ADAMTSL3: variants seen among roughly 807,000 people sequenced by gnomAD.
ADAMTSL3 encodes ADAMTS-like protein 3.
In ADAMTSL3, 128 loss-of-function variants were observed where a neutral mutation model predicts 201.7. That is an observed-to-expected ratio of 0.63 (90% CI 0.55 to 0.73). The LOEUF (loss-of-function observed/expected upper bound fraction) is 0.73. Among genes scored for constraint, ADAMTSL3 ranks in the 30% least tolerant of loss-of-function variants. The probability of loss-of-function intolerance (pLI) is 0.00; values close to 1 mark genes in which losing one functional copy is unlikely to be tolerated. For missense variants in ADAMTSL3, 1,990 were observed against 2,119.6 expected, an observed-to-expected ratio of 0.94 and a Z score of 1.20; for synonymous variants, 738 against 748.4, an observed-to-expected ratio of 0.99 and a Z score of 0.23.
At chr15:83,955,186 C>G (rs1201025619) in intron 19 of ADAMTSL3, among the ~76,000 whole-genome samples, 1 of 152,206 alleles carries the variant, frequency 6.6e-6, no homozygotes, top group South Asian at 2.1e-4. Flanking sequence ...TAGAAATCTA[C>G]CTGGTATTCT....
chr15:83,806,532 C>T (rs181977734), intron 5 of ADAMTSL3, among the ~76,000 whole-genome samples: 23 of 152,264 alleles, frequency 1.5e-4, no homozygotes, highest in Non-Finnish European at 2.2e-4. Context: ...GAAGCAAAAA[C>T]GAATTCAGCA....
At chr15:83,658,333 T>A (rs1183581798) in intron 2 of ADAMTSL3, among the ~76,000 whole-genome samples, 1 of 152,194 alleles carries the variant, frequency 6.6e-6, no homozygotes, top group East Asian at 1.9e-4. Flanking sequence ...GGTCTCGAAC[T>A]CCTGACCTCA....
At chr15:83,946,256 C>T (rs984508866) in intron 19 of ADAMTSL3, among the ~76,000 whole-genome samples, 4 of 152,188 alleles carry the variant, frequency 2.6e-5, no homozygotes, top group African/African-American at 4.8e-5. Context: ...CCTCCGTGTC[C>T]GCTCTCTCAG....
In ADAMTSL3 at chr15:83,872,848, T is replaced by G. The variant is rs2065108014; in HGVS notation, c.960+1889T>G. On this transcript the variant is annotated intron_variant, in intron 9 of 29. Transcript: ENST00000286744. ...ACCATTTATAAAAACACACATAAGC[T>G]GCATATTTCTATGAGTTTGTATGTA... 2.1e-5 allele frequency among the ~76,000 whole-genome samples: 3 copies of G among 145,316 alleles called. 1 individual carries two copies. Among genetic ancestry groups the G allele is most frequent in the Admixed American group, 2.0e-4 (3 of 14,790 alleles).
intron 15 of ADAMTSL3, among the ~76,000 whole-genome samples, chr15:83,903,917 C>CAAAAAAAAAAAAAAAAAAAAAAAAAA (rs1168502648): frequency 5.2e-5 from 1 of 19,274 alleles, no homozygotes; most frequent in Non-Finnish European, 7.3e-5. Context: ...GACTCCACAT[C>CAAAAAAAAAAAAAAAAAAAAAAAAAA]AAAAAAAAAA....
Position 83,969,234 on chromosome 15 carries a change from A to G in ADAMTSL3, c.2491-1250A>G, listed in dbSNP as rs575233847. Among the ~76,000 whole-genome samples the G allele has an allele frequency of 2.6e-5, 4 of 152,312 alleles. No homozygotes were observed. The South Asian group carries it at 8.3e-4, about 32-fold the overall frequency. On this transcript the variant is annotated intron_variant, in intron 19 of 29. Coordinates refer to ENST00000286744, the MANE Select transcript of ADAMTSL3 (RefSeq NM_207517.3). The stretch of plus-strand genomic sequence containing the variant: ...GCCGAGGCAGGTGGATCACGAGGTC[A>G]GGAGTTTGAGACCAGCCTGGCCAAG...
intron 4 of ADAMTSL3, among the ~76,000 whole-genome samples, chr15:83,775,640 A>T (rs538643289): frequency 7.2e-5 from 11 of 152,186 alleles, no homozygotes; most frequent in South Asian, 6.2e-4. Flanking sequence ...GAGGCAGGAG[A>T]GTTCTTGGCT....
chr15:83,762,606 C>A (rs536652219), intron 3 of ADAMTSL3, among the ~76,000 whole-genome samples: 1 of 152,110 alleles, frequency 6.6e-6, no homozygotes, highest in East Asian at 1.9e-4. Flanking sequence ...AGAGAGGGAA[C>A]TAACTCTCTC....
intron 3 of ADAMTSL3, among the ~76,000 whole-genome samples, chr15:83,759,759 G>A (rs2062779330): frequency 6.6e-6 from 1 of 152,108 alleles, no homozygotes; most frequent in Non-Finnish European, 1.5e-5. Context: ...AAATTACTCA[G>A]AAGAGTTTGT....
At chr15:83,675,208 C>A (rs1418342599) in intron 2 of ADAMTSL3, among the ~76,000 whole-genome samples, 1 of 152,002 alleles carries the variant, frequency 6.6e-6, no homozygotes, top group Non-Finnish European at 1.5e-5. Context: ...ACAACCAATA[C>A]TATGTGCTGC....
intron 2 of ADAMTSL3, among the ~76,000 whole-genome samples, chr15:83,691,957 T>G (rs1361982411): frequency 6.6e-6 from 1 of 152,176 alleles, no homozygotes; most frequent in Non-Finnish European, 1.5e-5. Flanking sequence ...AATGGTATGA[T>G]GATGTTTTAA....
chr15:83,671,375 T>C (rs2141390384), intron 2 of ADAMTSL3, among the ~76,000 whole-genome samples: 1 of 152,350 alleles, frequency 6.6e-6, no homozygotes, highest in East Asian at 1.9e-4. Context: ...CCAGATTCTT[T>C]AATCCAATTT....
chr15:84,037,787 A>C lies in ADAMTSL3; in HGVS notation c.5057A>C (p.Gln1686Pro). 9 of 1,613,918 alleles carry C rather than the reference A, an allele frequency of 5.6e-6. No individual in the cohort carries two copies. The highest frequency in any genetic ancestry group is 6.8e-6 in the Non-Finnish European group (8 of 1,179,966). ...SLDRYKQRCCQSCQEG is the reference protein window; with the variant it reads ...SLDRYKQRCCPSCQEG ...GACCGCTACAAACAAAGGTGCTGCC[A>C]GTCATGTCAAGAGGGATAAACCTTT... Residue 1686 changes from glutamine (Q) to proline (P), a missense_variant, in exon 30 of 30, where the codon CAG becomes CCG. Physicochemically the swap from Gln to Pro is moderately conservative, Grantham distance 76. Transcript: ENST00000286744.
chr15:83,870,570 C>T (rs1054979952), intron 8 of ADAMTSL3, among the ~76,000 whole-genome samples: 1 of 152,086 alleles, frequency 6.6e-6, no homozygotes, highest in African/African-American at 2.4e-5. Context: ...GAAATGGCTC[C>T]AAATATTTGA....
chr15:83,688,143 G>A (rs2061562475), intron 2 of ADAMTSL3, among the ~76,000 whole-genome samples: 2 of 152,190 alleles, frequency 1.3e-5, no homozygotes, highest in Non-Finnish European at 2.9e-5. Context: ...TTGAATGAAG[G>A]AAGACTTGTA....
intron 17 of ADAMTSL3, among the ~76,000 whole-genome samples, chr15:83,935,979 C>T (rs1373031477): frequency 6.6e-6 from 1 of 151,812 alleles, no homozygotes; most frequent in African/African-American, 2.4e-5. Context: ...GCACTATCAG[C>T]AAATTTTCAC....
Position 83,870,951 on chromosome 15 carries a change from A to G in ADAMTSL3, c.952A>G (p.Ile318Val). ...TCCAGGACCTCTGATGGCTGATTTCATCTTCAAGGTAGGATGATCCTCTTC... is the reference window on the plus strand; with the variant it reads ...TCCAGGACCTCTGATGGCTGATTTCGTCTTCAAGGTAGGATGATCCTCTTC... ...KIPGPLMADF[I>V]FKTRYTAAKD... The change falls in exon 9 of 30, where the codon ATC becomes GTC. Residue 318 changes from isoleucine to valine, a missense_variant. Physicochemically the swap from Ile to Val is conservative, Grantham distance 29. Coordinates refer to ENST00000286744, the MANE Select transcript of ADAMTSL3 (RefSeq NM_207517.3). The G allele has an allele frequency of 1.2e-6, 2 of 1,612,956 alleles. No individual in the cohort carries two copies. Among genetic ancestry groups the G allele is most frequent in the South Asian group, 1.1e-5 (1 of 90,764 alleles).
At position 83,913,134 on chromosome 15, in the gene ADAMTSL3, GC is replaced by G. The variant is rs1289329625; in HGVS notation, c.1745del (p.Pro582ArgfsTer8). On this transcript the variant is annotated frameshift_variant, in exon 16 of 30. Coordinates refer to ENST00000286744, the MANE Select transcript of ADAMTSL3 (RefSeq NM_207517.3). LOFTEE classifies it high-confidence loss of function. The part of the protein sequence containing the change: ...PWSACSTTCG[P>X]GVQVREVKCR... ...GGTCAGCCTGCAGTACCACGTGTGG[GC>G]CGGGTGTGCAGGTCCGTGAGGTGAA... 3 of 1,613,984 alleles carry G rather than the reference GC, an allele frequency of 1.9e-6. No homozygotes were observed. Among genetic ancestry groups the G allele is most frequent in the Non-Finnish European group, 2.5e-6 (3 of 1,180,020 alleles).
intron 3 of ADAMTSL3, among the ~76,000 whole-genome samples, chr15:83,759,225 T>C (rs1481225854): frequency 4.7e-5 from 7 of 148,974 alleles, no homozygotes; most frequent in Admixed American, 1.4e-4. Flanking sequence ...CATTTTTGAA[T>C]GACATTTTTT....
Sources: allele counts gnomAD v4.1 joint callset (sites outside exome capture counted in the v4.1 genomes callset), GRCh38; gene constraint gnomAD v4.1.1; transcripts MANE v1.5; gene names NCBI Gene and HGNC (gene_info 2026-07-23, HGNC 2026-07-21).